The following GAB2 variants were observed in gnomAD, a reference collection of about 807,000 sequenced individuals.
GAB2 encodes the protein GRB2 associated binding protein 2, also known as GRB2-associated-binding protein 2.
In GAB2, 26 loss-of-function variants were observed where a neutral mutation model predicts 65.5. That is an observed-to-expected ratio of 0.40 (90% CI 0.29 to 0.55). GAB2 has a LOEUF of 0.55. Ranked by LOEUF, GAB2 falls within the 20% of genes least tolerant of loss-of-function variation. GAB2 has a pLI of 0.53. For missense variants in GAB2, 884 were observed against 875.8 expected (o/e 1.01, Z -0.12); for synonymous variants, 321 against 329.6 (o/e 0.97, Z 0.28).
intron 1 of GAB2, among the ~76,000 whole-genome samples, chr11:78,343,072 G>GA (rs1856124378): frequency 6.6e-6 from 1 of 151,974 alleles, no homozygotes; most frequent in African/African-American, 2.4e-5. Flanking sequence ...ACCTTTTATT[G>GA]AATAACCCAC....
At chr11:78,399,199 T>C (rs73502959) in intron 1 of GAB2, among the ~76,000 whole-genome samples, 6,125 of 152,270 alleles carry the variant, frequency 0.04, 357 homozygotes, top group African/African-American at 0.13. Flanking sequence ...GCCTTACAAG[T>C]GGCATCAAGC....
At chr11:78,245,963 G>A (rs376656629) in intron 3 of GAB2, among the ~76,000 whole-genome samples, 1 of 105,932 alleles carries the variant, frequency 9.4e-6, no homozygotes, top group African/African-American at 3.4e-5. Context: ...TTTTTTTTTT[G>A]AGACGGAGTT....
At chr11:78,379,639 G>T (rs1222088367) in intron 1 of GAB2, among the ~76,000 whole-genome samples, 1 of 152,174 alleles carries the variant, frequency 6.6e-6, no homozygotes, top group Non-Finnish European at 1.5e-5. Flanking sequence ...ATCAAAATCA[G>T]AATGTTTCCT....
intron 1 of GAB2, among the ~76,000 whole-genome samples, chr11:78,380,925 T>C (rs1856689753): frequency 6.6e-6 from 1 of 152,198 alleles, no homozygotes; most frequent in African/African-American, 2.4e-5. Flanking sequence ...TGGTCTTGTA[T>C]GGGAAATGTT....
Position 78,229,225 on chromosome 11 carries a change from G to T in GAB2, c.621-2174C>A, listed in dbSNP as rs147733929. Among the ~76,000 whole-genome samples, 17 of 152,250 alleles carry T rather than the reference G, an allele frequency of 1.1e-4. No homozygotes were observed. In the East Asian group the frequency reaches 3.3e-3, roughly 29 times the overall value. On this transcript the variant is annotated intron_variant, in intron 3 of 9. Transcript: ENST00000361507. ...AGTCTGGAAGGATGAGCCACAACTG[G>T]CCAGGCAGAAGGCAGGAGAAGGGAA...
rs964089659 is a variant in GAB2, at chr11:78,216,652, C to A, written c.*2620G>T. ...CTGGAAGGAAGCCTCCTGGGAGATTCGATTTGAACACCTCAGTCGCTCTCC... is the reference window on the plus strand; with the variant it reads ...CTGGAAGGAAGCCTCCTGGGAGATTAGATTTGAACACCTCAGTCGCTCTCC... On this transcript the variant is annotated 3_prime_UTR_variant, in exon 10 of 10. Coordinates refer to ENST00000361507, the MANE Select transcript of GAB2 (RefSeq NM_080491.3). 2 of 152,196 alleles carry A rather than the reference C, an allele frequency of 1.3e-5. No individual in the cohort carries two copies. Among genetic ancestry groups the A allele is most frequent in the Non-Finnish European group, 2.9e-5 (2 of 68,048 alleles). 9.4% of individuals were successfully genotyped at this position (152,196 alleles called of 1,614,324 possible).
intron 1 of GAB2, among the ~76,000 whole-genome samples, chr11:78,334,292 T>C (rs1221803011): frequency 1.3e-5 from 2 of 152,180 alleles, no homozygotes; most frequent in Non-Finnish European, 2.9e-5. Context: ...AATGTACAAA[T>C]AAATTATTAT....
chr11:78,369,335 T>TC (rs1254784068), intron 1 of GAB2, among the ~76,000 whole-genome samples: 26 of 152,178 alleles, frequency 1.7e-4, no homozygotes, highest in African/African-American at 6.3e-4. Flanking sequence ...TAATGATCAA[T>TC]CAGTGCCTCT....
intron 1 of GAB2, among the ~76,000 whole-genome samples, chr11:78,413,421 T>C (rs1254650220): frequency 6.6e-6 from 1 of 152,074 alleles, no homozygotes; most frequent in Non-Finnish European, 1.5e-5. Context: ...GGAAGGTGTT[T>C]TAAAAAAGAG....
chr11:78,373,437 C>T (rs1856596866), intron 1 of GAB2, among the ~76,000 whole-genome samples: 3 of 152,044 alleles, frequency 2.0e-5, no homozygotes, highest in Admixed American at 1.3e-4. Context: ...GGAGTTTCTC[C>T]TTGCTGGTCA....
At chr11:78,238,710 A>G (rs999077587) in intron 3 of GAB2, among the ~76,000 whole-genome samples, 3 of 152,220 alleles carry the variant, frequency 2.0e-5, no homozygotes, top group African/African-American at 7.2e-5. Flanking sequence ...GAAAAGCTTC[A>G]TAACATTGGA....
rs370569123 is a variant in GAB2, at chr11:78,226,970, A to G, written c.702T>C (p.Asn234=). 1 of 1,613,724 alleles carries G rather than the reference A, an allele frequency of 6.2e-7. No homozygotes were observed. Among genetic ancestry groups the G allele is most frequent in the South Asian group, 1.1e-5 (1 of 91,074 alleles). ...CACTGATCCCGTTGACACAGTGTCCATTGCCCTGGGCAAGTTTTTGTACAG... is the reference window on the plus strand; with the variant it reads ...CACTGATCCCGTTGACACAGTGTCCGTTGCCCTGGGCAAGTTTTTGTACAG... ...DTAVQKLAQG[N]GHCVNGISGQ... Residue 234 remains asparagine, a synonymous_variant, in exon 4 of 10, where the codon AAT becomes AAC. Transcript: ENST00000361507.
Position 78,250,220 on chromosome 11 carries a change from G to A in GAB2, c.557C>T (p.Thr186Ile), listed in dbSNP as rs1865411825. 6.2e-7 allele frequency: 1 copy of A among 1,613,364 alleles called. No homozygotes were observed. The highest frequency in any genetic ancestry group is 8.5e-7 in the Non-Finnish European group (1 of 1,179,904). ...GTAGAGATACTCCTGAGGTGCGCTG[G>A]TGGACAAGGTGGGCTGCATGTGGTT... is the stretch of plus-strand genomic sequence containing the variant. ...VSNHMQPTLS[T>I]SAPQEYLYLH... is the part of the protein sequence containing the mutation. The change falls in exon 3 of 10, where the codon ACC becomes ATC. Residue 186 changes from threonine (T) to isoleucine (I), a missense_variant. Transcript: ENST00000361507.
At chr11:78,275,938 AC>A (rs1554982051) in intron 2 of GAB2, among the ~76,000 whole-genome samples, 1 of 151,762 alleles carries the variant, frequency 6.6e-6, no homozygotes, top group Non-Finnish European at 1.5e-5. Context: ...ACAGGGTGAA[AC>A]CCTGTCTCTA....
chr11:78,360,039 GAAGA>G (rs1418988854), intron 1 of GAB2, among the ~76,000 whole-genome samples: 14 of 152,198 alleles, frequency 9.2e-5, no homozygotes, highest in Non-Finnish European at 1.8e-4. Context: ...CAGAGGGACA[GAAGA>G]GAGAGGAGGA....
intron 1 of GAB2, among the ~76,000 whole-genome samples, chr11:78,286,327 T>C (rs1263825490): frequency 6.6e-6 from 1 of 152,104 alleles, no homozygotes; most frequent in Non-Finnish European, 1.5e-5. Context: ...ATGTCACTTC[T>C]CCTGGAAGGC....
At chr11:78,284,077 C>A (rs1040454506) in intron 1 of GAB2, among the ~76,000 whole-genome samples, 8 of 152,122 alleles carry the variant, frequency 5.3e-5, no homozygotes, top group African/African-American at 1.9e-4. Flanking sequence ...TCTGTTCTTC[C>A]TGCACTCTCT....
At chr11:78,234,135 C>T (rs962083110) in intron 3 of GAB2, among the ~76,000 whole-genome samples, 1 of 152,060 alleles carries the variant, frequency 6.6e-6, no homozygotes, top group Non-Finnish European at 1.5e-5. Flanking sequence ...GGCTGGAGTG[C>T]AATGGAATGA....
chr11:78,381,625 C>T (rs113469300), intron 1 of GAB2, among the ~76,000 whole-genome samples: 4,581 of 152,010 alleles, frequency 0.03, 215 homozygotes, highest in African/African-American at 0.1. Flanking sequence ...CCTCCTTTCC[C>T]TATATCAGAT....
Sources: allele counts gnomAD v4.1 joint callset (sites outside exome capture counted in the v4.1 genomes callset), GRCh38; gene constraint gnomAD v4.1.1; transcripts MANE v1.5; gene names NCBI Gene and HGNC (gene_info 2026-07-23, HGNC 2026-07-21).